The following SPMIP7 variants were observed in gnomAD, a reference collection of about 807,000 sequenced individuals.
SPMIP7 encodes sperm microtubule inner protein 7.
At chr7:50,125,253 TATATATACACAC>T in the SPMIP7 span, among the ~76,000 whole-genome samples, 1 of 49,536 alleles carries the variant, frequency 2.0e-5, no homozygotes, top group South Asian at 5.1e-4. Flanking sequence ...TATATACACA[TATATATACACAC>T]ATATATATAC....
chr7:50,096,767 T>C, the SPMIP7 span: 1 of 733,254 alleles, frequency 1.4e-6, no homozygotes, highest in African/African-American at 1.8e-5. Flanking sequence ...TATTTTTAAA[T>C]TACAGATTAT....
the SPMIP7 span, among the ~76,000 whole-genome samples, chr7:50,149,925 G>A: frequency 2.8e-4 from 43 of 152,136 alleles, no homozygotes; most frequent in African/African-American, 9.2e-4. Context: ...ATCACTACCC[G>A]GGGTCAGGCT....
At chr7:50,121,047 T>C in the SPMIP7 span, among the ~76,000 whole-genome samples, 42 of 152,316 alleles carry the variant, frequency 2.8e-4, no homozygotes, top group East Asian at 7.1e-3. Flanking sequence ...CCTTAAGAAT[T>C]ATAAATGCTC....
chr7:50,113,023 T>C, the SPMIP7 span, among the ~76,000 whole-genome samples: 1 of 151,620 alleles, frequency 6.6e-6, no homozygotes, highest in African/African-American at 2.4e-5. Context: ...TCCCTGAAAC[T>C]CAAACAGGAC....
At chr7:50,131,122 T>C in the SPMIP7 span, among the ~76,000 whole-genome samples, 2 of 151,988 alleles carry the variant, frequency 1.3e-5, no homozygotes, top group African/African-American at 4.8e-5. Flanking sequence ...GGAACACCAG[T>C]TAGGAGGTTA....
the SPMIP7 span, among the ~76,000 whole-genome samples, chr7:50,154,235 C>T: frequency 4.6e-4 from 70 of 152,240 alleles, no homozygotes; most frequent in African/African-American, 1.7e-3. Flanking sequence ...TTTTCCCCTT[C>T]CCCCTGTGGT....
the SPMIP7 span, chr7:50,096,468 C>T: frequency 6.4e-7 from 1 of 1,551,660 alleles, no homozygotes; most frequent in Non-Finnish European, 8.7e-7. Flanking sequence ...AGAACCATAC[C>T]AACCCTAGTG....
chr7:50,105,174 A>G, the SPMIP7 span, among the ~76,000 whole-genome samples: 1 of 152,218 alleles, frequency 6.6e-6, no homozygotes, highest in Non-Finnish European at 1.5e-5. Context: ...ATCCTAAGAC[A>G]TACACAGATA....
the SPMIP7 span, among the ~76,000 whole-genome samples, chr7:50,135,556 T>TA: frequency 6.6e-6 from 1 of 152,178 alleles, no homozygotes; most frequent in East Asian, 1.9e-4. Flanking sequence ...TGAATTAAAA[T>TA]AAAAATATAT....
the SPMIP7 span, among the ~76,000 whole-genome samples, chr7:50,133,718 G>A: frequency 1.3e-5 from 2 of 152,122 alleles, no homozygotes; most frequent in Non-Finnish European, 2.9e-5. Context: ...TCCATTTATT[G>A]TGGCTATAGG....
the SPMIP7 span, among the ~76,000 whole-genome samples, chr7:50,155,048 G>A: frequency 6.6e-6 from 1 of 152,092 alleles, no homozygotes; most frequent in Non-Finnish European, 1.5e-5. Context: ...ATGTTTTCTT[G>A]CTATTGAGTT....
At chr7:50,121,042 A>G in the SPMIP7 span, among the ~76,000 whole-genome samples, 1 of 152,200 alleles carries the variant, frequency 6.6e-6, no homozygotes, top group South Asian at 2.1e-4. Context: ...ATATCCCTTA[A>G]GAATTATAAA....
At chr7:50,098,838 T>TGGG in the SPMIP7 span, among the ~76,000 whole-genome samples, 14 of 151,806 alleles carry the variant, frequency 9.2e-5, no homozygotes, top group Non-Finnish European at 1.3e-4. Context: ...CACACGAATC[T>TGGG]GGGGGGATAC....
the SPMIP7 span, among the ~76,000 whole-genome samples, chr7:50,099,005 G>A: frequency 6.6e-6 from 1 of 152,014 alleles, no homozygotes; most frequent in African/African-American, 2.4e-5. Context: ...CCCTGCCAGG[G>A]GTTATGAACT....
At chr7:50,132,294 G>A in the SPMIP7 span, among the ~76,000 whole-genome samples, 1 of 152,014 alleles carries the variant, frequency 6.6e-6, no homozygotes, top group Non-Finnish European at 1.5e-5. Flanking sequence ...AAAAATGAAG[G>A]ATGATAACCA....
chr7:50,146,136 T>A, the SPMIP7 span, among the ~76,000 whole-genome samples: 1 of 152,200 alleles, frequency 6.6e-6, no homozygotes, highest in African/African-American at 2.4e-5. Flanking sequence ...ATCAGCCCAA[T>A]ACTTCTGCCT....
the SPMIP7 span, among the ~76,000 whole-genome samples, chr7:50,108,447 C>T: frequency 7.7e-3 from 1,172 of 152,100 alleles, 23 homozygotes; most frequent in African/African-American, 0.027. Flanking sequence ...AGAGAAAAAT[C>T]TAGATTCCCC....
the SPMIP7 span, among the ~76,000 whole-genome samples, chr7:50,116,148 C>CT: frequency 6.6e-6 from 1 of 152,180 alleles, no homozygotes; most frequent in Admixed American, 6.5e-5. Flanking sequence ...CAGAGTCCTG[C>CT]TTTGTCACCC....
the SPMIP7 span, chr7:50,096,036 G>T: frequency 1.7e-6 from 2 of 1,200,076 alleles, no homozygotes; most frequent in South Asian, 1.9e-5. Context: ...AAATATAAAG[G>T]AATTATCAGA....
Sources: allele counts gnomAD v4.1 joint callset (sites outside exome capture counted in the v4.1 genomes callset), GRCh38; gene constraint gnomAD v4.1.1; transcripts MANE v1.5; gene names NCBI Gene and HGNC (gene_info 2026-07-23, HGNC 2026-07-21).